SH3RF2: variants seen among roughly 807,000 people sequenced by gnomAD.
SH3RF2 encodes the protein SH3 domain containing ring finger 2.
A neutral mutation model predicts 59.0 loss-of-function variants in SH3RF2; 43 were observed. The ratio of observed to expected loss-of-function variants is 0.73; its 90% CI spans 0.57 to 0.94. The LOEUF is 0.94. SH3RF2 is among the 40% of genes least tolerant of loss of function. The pLI is 0.00. For missense variants in SH3RF2, 930 were observed against 940.1 expected (o/e 0.99, Z 0.14); for synonymous variants, 391 against 391.5 (o/e 1.00, Z 0.01).
intron 9 of SH3RF2, among the ~76,000 whole-genome samples, chr5:146,069,813 A>T (rs1351295988): frequency 6.6e-6 from 1 of 152,022 alleles, no homozygotes; most frequent in Non-Finnish European, 1.5e-5. Context: ...GGCTCTACCG[A>T]TCTGCCTGCC....
intron 7 of SH3RF2, among the ~76,000 whole-genome samples, chr5:146,052,986 T>C (rs1293208808): frequency 6.6e-6 from 1 of 152,178 alleles, no homozygotes; most frequent in Non-Finnish European, 1.5e-5. Context: ...CCAGCCCCCT[T>C]GGTGTGTACT....
intron 5 of SH3RF2, among the ~76,000 whole-genome samples, chr5:146,024,947 A>C (rs1217929891): frequency 6.6e-6 from 1 of 152,170 alleles, no homozygotes; most frequent in Admixed American, 6.5e-5. Context: ...AGCCTGCTCC[A>C]TCCATTAAAT....
At chr5:146,066,806 G>A (rs1440132841), downstream of SH3RF2, among the ~76,000 whole-genome samples, 1 of 152,178 alleles carries the variant, frequency 6.6e-6, no homozygotes, top group Non-Finnish European at 1.5e-5. Flanking sequence ...AGCCCCTCAA[G>A]TCTGAAGGTG....
intron 8 of SH3RF2, among the ~76,000 whole-genome samples, chr5:146,057,984 C>CTATATATATATATATATATATATATATA (rs751628879): frequency 2.1e-5 from 3 of 145,736 alleles, no homozygotes; most frequent in African/African-American, 8.0e-5. Context: ...ATCTATCTAT[C>CTATATATATATATATATATATATATATA]TATATATATA....
intron 5 of SH3RF2, among the ~76,000 whole-genome samples, chr5:146,045,035 G>A (rs1401604053): frequency 6.6e-6 from 1 of 152,214 alleles, no homozygotes; most frequent in Non-Finnish European, 1.5e-5. Flanking sequence ...GGTGTTTGTG[G>A]ATAGCAGTTC....
intron 2 of SH3RF2, among the ~76,000 whole-genome samples, chr5:145,971,012 T>C (rs551599992): frequency 5.6e-4 from 86 of 152,308 alleles, no homozygotes; most frequent in African/African-American, 2.0e-3. Flanking sequence ...GGGAACCTCA[T>C]TCCAAAGCCT....
chr5:146,057,944 C>A (rs1179312059), intron 8 of SH3RF2, among the ~76,000 whole-genome samples: 1 of 121,796 alleles, frequency 8.2e-6, no homozygotes, highest in Non-Finnish European at 1.8e-5. Flanking sequence ...CTCTCTCTCT[C>A]TCTCTCTCTC....
At chr5:145,981,301 G>A (rs1450696586) in intron 2 of SH3RF2, among the ~76,000 whole-genome samples, 1 of 152,030 alleles carries the variant, frequency 6.6e-6, no homozygotes, top group Non-Finnish European at 1.5e-5. Flanking sequence ...GTCTCACCAT[G>A]TTGCCCAGGC....
rs541426817 is a variant in SH3RF2, at chr5:146,074,252, T to G, written c.*34-4208T>G. ...GACGGGGTTTCACCGCCATTAACAC[T>G]TTTTCATTTATCAAACATTTTTTAT... On this transcript the variant is annotated intron_variant, in intron 9 of 9. Coordinates refer to the SH3RF2 transcript ENST00000511217. 2.1e-4 allele frequency among the ~76,000 whole-genome samples: 32 copies of G among 152,170 alleles called. No homozygotes were observed. The South Asian group carries it at 2.3e-3, about 11-fold the overall frequency.
At position 146,044,579 on chromosome 5, in the gene SH3RF2, T is replaced by C. The variant is rs79441292; in HGVS notation, c.1060-3193T>C. ...CTGTGGTATCTGTTGCCCATTTTTA[T>C]TGGGTTCTTTGTCTTCTTATGAATG... is the stretch of plus-strand genomic sequence containing the variant. On this transcript the variant is annotated intron_variant, in intron 5 of 9. Coordinates refer to ENST00000359120, the MANE Select transcript of SH3RF2 (RefSeq NM_152550.4). 6.7e-3 allele frequency among the ~76,000 whole-genome samples: 1,024 copies of C among 152,310 alleles called. 14 individuals are homozygous for C. Among genetic ancestry groups the C allele is most frequent in the African/African-American group, 0.024 (998 of 41,562 alleles).
chr5:146,017,316 A>C (rs919164800), intron 5 of SH3RF2, among the ~76,000 whole-genome samples: 6 of 152,160 alleles, frequency 3.9e-5, no homozygotes, highest in African/African-American at 1.4e-4. Flanking sequence ...GAGACAAAGA[A>C]AATCAACTGC....
chr5:146,034,918 C>G (rs1761877209), intron 5 of SH3RF2, among the ~76,000 whole-genome samples: 1 of 152,120 alleles, frequency 6.6e-6, no homozygotes, highest in South Asian at 2.1e-4. Flanking sequence ...CCAGCCTGGC[C>G]AACATGGTGA....
chr5:146,021,892 G>A (rs1761335026), intron 5 of SH3RF2, among the ~76,000 whole-genome samples: 1 of 152,150 alleles, frequency 6.6e-6, no homozygotes, highest in African/African-American at 2.4e-5. Context: ...ATTAACCTCT[G>A]ACTCACAAGG....
rs750970877 is a variant in SH3RF2, at chr5:146,056,134, C to T, written c.1476C>T (p.Val492=). ...FKSVFVPTAI[V]NPVRSTAGPG... ...CCGTCTTTGTGCCCACTGCCATAGT[C>T]AACCCCGTGAGAAGCACAGCCGGCC... The change falls in exon 8 of 10, where the codon GTC becomes GTT. Residue 492 remains valine (V), a synonymous_variant. Coordinates refer to ENST00000359120, the MANE Select transcript of SH3RF2 (RefSeq NM_152550.4). 4 of 1,614,212 alleles carry T rather than the reference C, an allele frequency of 2.5e-6. No homozygotes were observed. Among genetic ancestry groups the T allele is most frequent in the Admixed American group, 3.3e-5 (2 of 60,024 alleles).
At chr5:146,052,548 AT>A (rs1762536631) in intron 7 of SH3RF2, among the ~76,000 whole-genome samples, 1 of 152,198 alleles carries the variant, frequency 6.6e-6, no homozygotes, top group African/African-American at 2.4e-5. Context: ...GGGAACCAAC[AT>A]TCTCAGGAAG....
intron 2 of SH3RF2, among the ~76,000 whole-genome samples, chr5:145,961,993 T>C (rs554830781): frequency 6.6e-6 from 1 of 152,306 alleles, no homozygotes; most frequent in Admixed American, 6.5e-5. Context: ...CCCAGGCAAG[T>C]TCTTTCCAGG....
chr5:146,053,320 G>A lies in SH3RF2; in HGVS notation c.1323-2661G>A, dbSNP rs1294610059. 2.0e-5 allele frequency among the ~76,000 whole-genome samples: 3 copies of A among 152,070 alleles called. No homozygotes were observed. The East Asian group carries it at 5.8e-4, about 29-fold the overall frequency. ...GATCCTGGAGACTTTCATTGGCTCAGGTTATATAGAACATTTGTCAAGTTT... is the reference window on the plus strand; with the variant it reads ...GATCCTGGAGACTTTCATTGGCTCAAGTTATATAGAACATTTGTCAAGTTT... On this transcript the variant is annotated intron_variant, in intron 7 of 9. Coordinates refer to ENST00000359120, the MANE Select transcript of SH3RF2 (RefSeq NM_152550.4).
At chr5:146,022,890 C>T (rs1239110691) in intron 5 of SH3RF2, among the ~76,000 whole-genome samples, 1 of 143,408 alleles carries the variant, frequency 7.0e-6, no homozygotes, top group Non-Finnish European at 1.5e-5. Context: ...CACACACACA[C>T]ACACACACAC....
At chr5:146,057,984 C>CTATCTATATATATATA (rs1554120847) in intron 8 of SH3RF2, among the ~76,000 whole-genome samples, 2 of 145,832 alleles carry the variant, frequency 1.4e-5, no homozygotes, top group African/African-American at 5.3e-5. Flanking sequence ...ATCTATCTAT[C>CTATCTATATATATATA]TATATATATA....
Sources: gnomAD v4.1 joint callset for allele counts (sites outside exome capture counted in the v4.1 genomes callset) on GRCh38, gnomAD v4.1.1 for gene constraint, MANE v1.5 for transcripts, NCBI Gene and HGNC (gene_info 2026-07-23, HGNC 2026-07-21) for gene names.